Variants in SMAD1 observed in about 807,000 individuals in gnomAD.
SMAD1 encodes the protein MAD, mothers against decapentaplegic homolog 1.
A neutral mutation model predicts 41.6 loss-of-function variants in SMAD1; 6 were observed. That is an observed-to-expected ratio of 0.14 (90% CI 0.08 to 0.28). The LOEUF (loss-of-function observed/expected upper bound fraction) is 0.28, where lower values mean the gene tolerates loss of function less well. Among genes scored for constraint, SMAD1 ranks in the 10% least tolerant of loss-of-function variants. The pLI, the probability that SMAD1 is intolerant of heterozygous loss-of-function variation, is 1.00. For missense variants in SMAD1, 379 were observed against 582.6 expected, an observed-to-expected ratio of 0.65 and a Z score of 3.60; for synonymous variants, 206 against 203.2, an observed-to-expected ratio of 1.01 and a Z score of -0.12.
At chr4:145,543,977 T>A (rs1255994085) in intron 4 of SMAD1, among the ~76,000 whole-genome samples, 7 of 152,182 alleles carry the variant, frequency 4.6e-5, no homozygotes, top group African/African-American at 1.7e-4. Context: ...TTGCTTATAT[T>A]TTTAAGTACT....
intron 2 of SMAD1, among the ~76,000 whole-genome samples, chr4:145,520,082 T>G (rs1177885646): frequency 6.6e-6 from 1 of 152,196 alleles, no homozygotes; most frequent in Non-Finnish European, 1.5e-5. Context: ...ATGGCTGTTA[T>G]CAAAAAGATG....
chr4:145,486,109 G>A (rs184322353), intron 1 of SMAD1, among the ~76,000 whole-genome samples: 58 of 152,314 alleles, frequency 3.8e-4, no homozygotes, highest in African/African-American at 1.4e-3. Context: ...GACTTGGCTT[G>A]TGTATTTTGT....
intron 1 of SMAD1, among the ~76,000 whole-genome samples, chr4:145,509,165 GAAGGT>G (rs1310810301): frequency 6.6e-6 from 1 of 152,156 alleles, no homozygotes; most frequent in Non-Finnish European, 1.5e-5. Flanking sequence ...TGAGTCCCTG[GAAGGT>G]CACCTAATAA....
At chr4:145,481,146 TG>T (rs1728156185), upstream of SMAD1, 1 of 152,030 alleles carries the variant, frequency 6.6e-6, no homozygotes, top group Non-Finnish European at 1.5e-5. Flanking sequence ...CTGTAGAAAT[TG>T]GACCAAAAAT....
intron 2 of SMAD1, among the ~76,000 whole-genome samples, chr4:145,523,019 T>G (rs1467520057): frequency 6.6e-6 from 1 of 152,190 alleles, no homozygotes; most frequent in Admixed American, 6.5e-5. Context: ...AACAAAAAAC[T>G]TCAGTCTAGT....
In SMAD1 at chr4:145,539,943, C is replaced by T. The variant is rs1295425383; in HGVS notation, c.540C>T (p.Asn180=). 6.2e-7 allele frequency: 1 copy of T among 1,614,080 alleles called. No individual in the cohort carries two copies. The highest frequency in any genetic ancestry group is 1.3e-5 in the African/African-American group (1 of 75,042). The change falls in exon 3 of 7, where the codon AAC becomes AAT. Residue 180 remains asparagine, a synonymous_variant. Transcript: ENST00000302085. ...ATFPDSFQQP[N]SHPFPHSPNS... ...TTCCAGATTCTTTCCAGCAACCCAA[C>T]AGCCACCCGTTTCCTCACTCTCCCA...
At chr4:145,493,909 T>A (rs1728911096) in intron 1 of SMAD1, among the ~76,000 whole-genome samples, 1 of 152,200 alleles carries the variant, frequency 6.6e-6, no homozygotes. Flanking sequence ...AAAAGTCTGA[T>A]GCATTTGATA....
At chr4:145,540,181 T>C in intron 3 of SMAD1, 120 bp downstream of exon 3, 1 of 1,108,274 alleles carries the variant, frequency 9.0e-7, no homozygotes, top group African/African-American at 1.5e-5. Context: ...TATGACATAG[T>C]GCTCTCGCAC....
chr4:145,546,441 G>A (rs552942584), intron 4 of SMAD1: 17 of 461,758 alleles, frequency 3.7e-5, no homozygotes, highest in Middle Eastern at 5.8e-4. Flanking sequence ...AGTTTTTGCT[G>A]TGCTTCCTTA....
rs896733977 is a variant in SMAD1 at position 145,514,192 on chromosome 4, T to C, written c.-176-246T>C. On this transcript the variant is annotated intron_variant, in intron 1 of 6. Coordinates refer to ENST00000302085, the MANE Select transcript of SMAD1 (RefSeq NM_005900.3). The surrounding 1 kb of genome is among the most constrained non-coding windows in gnomAD (Gnocchi z 4.7). Reference sequence around the variant, plus strand: ...ATAGCAATCTTAAGACCACCAGTCCTATCAGGTTAGGGCCCCACCCTGATG... The same window carrying C: ...ATAGCAATCTTAAGACCACCAGTCCCATCAGGTTAGGGCCCCACCCTGATG... Among the ~76,000 whole-genome samples the C allele has an allele frequency of 1.3e-5, 2 of 151,174 alleles. No homozygotes were observed. The highest frequency in any genetic ancestry group is 4.9e-5 in the African/African-American group (2 of 40,590).
intron 1 of SMAD1, among the ~76,000 whole-genome samples, chr4:145,485,722 T>C (rs1190837947): frequency 6.6e-6 from 1 of 152,250 alleles, no homozygotes; most frequent in Admixed American, 6.5e-5. Flanking sequence ...CTGTAGATCT[T>C]ATTTATTATT....
chr4:145,544,685 T>G (rs997940316), intron 4 of SMAD1: 3 of 152,234 alleles, frequency 2.0e-5, no homozygotes, highest in African/African-American at 7.2e-5. Flanking sequence ...ATTATGATTT[T>G]TTAAATCTTT....
Position 145,482,616 on chromosome 4 carries a change from C to A in SMAD1, c.-177+578C>A, listed in dbSNP as rs935673425. The A allele has an allele frequency of 6.6e-6, 1 of 152,222 alleles. No individual in the cohort carries two copies. The highest frequency in any genetic ancestry group is 1.5e-5 in the Non-Finnish European group (1 of 68,064). 9.4% of individuals were successfully genotyped at this position (152,222 alleles called of 1,614,324 possible). A position where few individuals can be genotyped will look rare whatever the true frequency, so the allele number is the denominator to read the frequency against. On this transcript the variant is annotated intron_variant, in intron 1 of 6. Transcript: ENST00000302085. The surrounding 1 kb of genome is among the most constrained non-coding windows in gnomAD (Gnocchi z 4.2). Reference sequence around the variant, plus strand: ...CCCGGCGCCCCGGGCCCCTCCACATCCCGCACGGGTTTTCTTCTCGGCCCC... The same window carrying A: ...CCCGGCGCCCCGGGCCCCTCCACATACCGCACGGGTTTTCTTCTCGGCCCC...
At chr4:145,508,649 C>G (rs1729917860) in intron 1 of SMAD1, among the ~76,000 whole-genome samples, 1 of 152,136 alleles carries the variant, frequency 6.6e-6, no homozygotes, top group African/African-American at 2.4e-5. Flanking sequence ...GTTCTGAAAT[C>G]TCTGGAATTG....
At chr4:145,519,820 CT>C (rs1730642236) in intron 2 of SMAD1, among the ~76,000 whole-genome samples, 2 of 152,228 alleles carry the variant, frequency 1.3e-5, no homozygotes, top group Admixed American at 1.3e-4. Context: ...CCTGCAGCCC[CT>C]GATAACCACC....
chr4:145,527,569 T>C (rs1270996128), intron 2 of SMAD1, among the ~76,000 whole-genome samples: 4 of 152,100 alleles, frequency 2.6e-5, no homozygotes, highest in African/African-American at 9.7e-5. Flanking sequence ...ATGGTACCAA[T>C]GTGGCTACTG....
At chr4:145,552,892 ATGTTGTTGTTGT>A (rs111591261) in intron 5 of SMAD1, among the ~76,000 whole-genome samples, 1 of 150,972 alleles carries the variant, frequency 6.6e-6, no homozygotes, top group Admixed American at 6.6e-5. Flanking sequence ...AAATTGCTAC[ATGTTGTTGTTGT>A]TGTTGTTGTT....
chr4:145,557,112 A>T (rs1025994628), intron 6 of SMAD1, among the ~76,000 whole-genome samples: 1 of 152,168 alleles, frequency 6.6e-6, no homozygotes, highest in Non-Finnish European at 1.5e-5. Context: ...ACCCTCACCA[A>T]TGAGTTTTTG....
Position 145,552,583 on chromosome 4 carries a change from G to A in SMAD1, c.998-1201G>A, listed in dbSNP as rs146178567. 1.4e-4 allele frequency among the ~76,000 whole-genome samples: 21 copies of A among 152,196 alleles called. No individual in the cohort carries two copies. The East Asian group carries it at 3.9e-3, about 28-fold the overall frequency. On this transcript the variant is annotated intron_variant, in intron 5 of 6. Coordinates refer to ENST00000302085, the MANE Select transcript of SMAD1 (RefSeq NM_005900.3). ...GAAGTTTGGAGCAGGTGATAGTTCA[G>A]TGAGATCTAATTTTACACACACAGT... is the stretch of plus-strand genomic sequence containing the variant.
Sources: allele counts gnomAD v4.1 joint callset (sites outside exome capture counted in the v4.1 genomes callset), GRCh38; gene constraint gnomAD v4.1.1; non-coding constraint Gnocchi (gnomAD v3.1); transcripts MANE v1.5; gene names NCBI Gene and HGNC (gene_info 2026-07-23, HGNC 2026-07-21).